The following PDZD4 variants were observed in gnomAD, a reference collection of about 807,000 sequenced individuals.
PDZD4 encodes the protein PDZ domain containing 4.
A neutral mutation model predicts 38.5 loss-of-function variants in PDZD4; 9 were observed. The ratio of observed to expected loss-of-function variants is 0.23; its 90% CI spans 0.14 to 0.41. The LOEUF is 0.41. Ranked by LOEUF, PDZD4 falls within the 10% of genes least tolerant of loss-of-function variation. The pLI, the probability that PDZD4 is intolerant of heterozygous loss-of-function variation, is 1.00. For synonymous variants in PDZD4, 349 were observed against 315.7 expected, an observed-to-expected ratio of 1.11 and a Z score of -1.12; for missense variants, 612 against 722.0, an observed-to-expected ratio of 0.85 and a Z score of 1.75.
chrX:153,805,398 CATCAACT>C, intron 6 of PDZD4, 100 bp downstream of exon 6: 4 of 553,439 alleles, frequency 7.2e-6, no homozygotes, highest in African/African-American at 2.3e-5. Context: ...ACCCGCCCTC[CATCAACT>C]CCAGGTCGTT....
chrX:153,827,614 G>T (rs1397125327), intron 1 of PDZD4, among the ~76,000 whole-genome samples: 1 of 112,580 alleles, frequency 8.9e-6, no homozygotes, highest in Non-Finnish European at 1.9e-5. Flanking sequence ...GACACAAAAG[G>T]TCAGTTTCTA....
rs782412910 is a variant in PDZD4 at position 153,808,554 on chromosome X, A to C, written c.102T>G (p.Thr34=). 2.7e-5 allele frequency: 32 copies of C among 1,195,666 alleles called. No homozygotes were observed. Among genetic ancestry groups the C allele is most frequent in the Non-Finnish European group, 3.5e-5 (31 of 887,711 alleles). ...CCTTGGAGGAGCGCAGGGCCTGCAG[A>C]GTTTGCTCCTGAGACAGCTTGGAGA... ...KELSKLSQEQ[T]LQALRSSKEP... Residue 34 remains threonine, a synonymous_variant, in exon 2 of 8, where the codon ACT becomes ACG. Coordinates refer to ENST00000393758, the MANE Select transcript of PDZD4 (RefSeq NM_001303512.2).
Position 153,808,448 on chromosome X carries a change from T to C in PDZD4, c.208A>G (p.Ser70Gly). 8.3e-7 allele frequency: 1 copy of C among 1,211,536 alleles called. No individual in the cohort carries two copies. Among genetic ancestry groups the C allele is most frequent in the Non-Finnish European group, 1.1e-6 (1 of 895,552 alleles). The stretch of plus-strand genomic sequence containing the variant: ...AAGGTGATGTCGGTCTGAGTGCCAC[T>C]GTCCACCAGCTGCAGGTCGTGACAG... ...SSCHDLQLVD[S>G]GTQTDITFEH... Residue 70 changes from serine to glycine, a missense_variant, in exon 2 of 8, where the codon AGT becomes GGT. Ser to Gly is a moderately conservative substitution (Grantham distance 56). Transcript: ENST00000393758.
At chrX:153,818,181 G>A (rs2064381678) in intron 1 of PDZD4, among the ~76,000 whole-genome samples, 1 of 111,812 alleles carries the variant, frequency 8.9e-6, no homozygotes, top group South Asian at 3.7e-4. Flanking sequence ...AGGAGGTGGA[G>A]GTTGCAGTGA....
chrX:153,810,960 A>AT (rs1196668301), intron 1 of PDZD4, among the ~76,000 whole-genome samples: 12 of 112,409 alleles, frequency 1.1e-4, no homozygotes, highest in Non-Finnish European at 2.1e-4. Flanking sequence ...AACACAGTTC[A>AT]TTTTTTTGTT....
rs2148454984 is a variant in PDZD4, at chrX:153,803,221, CG to C, written c.*131del. The C allele has an allele frequency of 2.4e-6, 1 of 421,891 alleles. No individual in the cohort carries two copies. The highest frequency in any genetic ancestry group is 3.6e-6 in the Non-Finnish European group (1 of 278,330). The allele number at this position is 421,891 out of a possible 1,213,427, so 34.8% of individuals were successfully genotyped here. A position where few individuals can be genotyped will look rare whatever the true frequency, so the allele number is the denominator to read the frequency against. On this transcript the variant is annotated 3_prime_UTR_variant, in exon 8 of 8. Coordinates refer to ENST00000393758, the MANE Select transcript of PDZD4 (RefSeq NM_001303512.2). Reference sequence around the variant, plus strand: ...ACAAAGCCCTGTGCGCACACCCAGACGAGGAGATGTGTGCGTGCGCACAGCG... The same window carrying C: ...ACAAAGCCCTGTGCGCACACCCAGACAGGAGATGTGTGCGTGCGCACAGCG...
At chrX:153,805,468 T>G in intron 6 of PDZD4, 37 bp downstream of exon 6, 3 of 1,085,548 alleles carry the variant, frequency 2.8e-6, no homozygotes, top group Non-Finnish European at 3.8e-6. Flanking sequence ...GAAAGCCTGA[T>G]GTCGTGGCCC....
intron 1 of PDZD4, among the ~76,000 whole-genome samples, chrX:153,818,043 C>T (rs942168156): frequency 8.9e-6 from 1 of 112,168 alleles, no homozygotes; most frequent in Non-Finnish European, 1.9e-5. Context: ...GTCAGGAGTT[C>T]GAGACCAGCT....
At position 153,804,528 on chromosome X, in the gene PDZD4, G is replaced by A. The variant is rs2092201680; in HGVS notation, c.1153C>T (p.Arg385Trp). 15 of 1,208,040 alleles carry A rather than the reference G, an allele frequency of 1.2e-5. No homozygotes were observed. Among genetic ancestry groups the A allele is most frequent in the African/African-American group, 1.7e-5 (1 of 57,379 alleles). The change falls in exon 8 of 8, where the codon CGG becomes TGG. Residue 385 changes from arginine (R) to tryptophan (W), a missense_variant. By Grantham distance (101) the Arg-to-Trp change is moderately radical. Coordinates refer to ENST00000393758, the MANE Select transcript of PDZD4 (RefSeq NM_001303512.2). The stretch of plus-strand genomic sequence containing the variant: ...AGGGCGCTGTTGCCTCCGGAGGCCC[G>A]GGGAAAGAGGAGGCCCAGCTGGTTG... ...NGNQLGLLFP[R>W]ASGGNSALDV...
At chrX:153,807,463 G>A (rs957379348) in intron 2 of PDZD4, 94 bp from the exon 3 acceptor site, 6 of 900,339 alleles carry the variant, frequency 6.7e-6, no homozygotes, top group South Asian at 4.7e-5. Context: ...TGCCTGGCAC[G>A]GAGGCCTGCT....
intron 1 of PDZD4, among the ~76,000 whole-genome samples, chrX:153,814,268 GTTC>G (rs1300233230): frequency 9.0e-6 from 1 of 111,600 alleles, no homozygotes; most frequent in African/African-American, 3.3e-5. Flanking sequence ...GAGGTCAGGA[GTTC>G]GAGACCAGCC....
chrX:153,806,063 G>A lies in PDZD4; in HGVS notation c.567+8C>T. The A allele has an allele frequency of 8.3e-7, 1 of 1,210,246 alleles. No homozygotes were observed. Among genetic ancestry groups the A allele is most frequent in the East Asian group, 3.0e-5 (1 of 33,787 alleles). Reference sequence around the variant, plus strand: ...CTTGGGCCAGGCCTGCAGCCTGCAAGTGCTCACCTGGATGATGCGGTCTCC... The same window carrying A: ...CTTGGGCCAGGCCTGCAGCCTGCAAATGCTCACCTGGATGATGCGGTCTCC... On this transcript the variant is annotated splice_region_variant and intron_variant, in intron 5 of 7. Coordinates refer to ENST00000393758, the MANE Select transcript of PDZD4 (RefSeq NM_001303512.2).
chrX:153,827,038 T>C (rs1363930463), intron 1 of PDZD4, among the ~76,000 whole-genome samples: 1 of 111,983 alleles, frequency 8.9e-6, no homozygotes, highest in South Asian at 3.7e-4. Flanking sequence ...GAAAAAGACG[T>C]ACAAAGTTGG....
At position 153,806,727 on chromosome X, in the gene PDZD4, T is replaced by C. The variant is rs1216956428; in HGVS notation, c.504+15A>G. 1.7e-6 allele frequency: 2 copies of C among 1,203,733 alleles called. No homozygotes were observed. Among genetic ancestry groups the C allele is most frequent in the African/African-American group, 3.5e-5 (2 of 56,973 alleles). ...GTGGATGGGCCTCGGGGCTGGGGCATACCCGTCTGCATACCTCTCCGACAT... is the reference window on the plus strand; with the variant it reads ...GTGGATGGGCCTCGGGGCTGGGGCACACCCGTCTGCATACCTCTCCGACAT... On this transcript the variant is annotated intron_variant, in intron 4 of 7. Transcript: ENST00000393758.
rs139848624 is a variant in PDZD4, at chrX:153,812,960, C to T, written c.61-4365G>A. Among the ~76,000 whole-genome samples, 553 of 109,918 alleles carry T rather than the reference C, an allele frequency of 5.0e-3. 7 individuals are homozygous for T. Among genetic ancestry groups the T allele is most frequent in the South Asian group, 0.025 (61 of 2,437 alleles). On this transcript the variant is annotated intron_variant, in intron 1 of 7. Coordinates refer to ENST00000393758, the MANE Select transcript of PDZD4 (RefSeq NM_001303512.2). ...GGCCAACCCCAGGCTTGCTTCCCAC[C>T]AGACTCTCCCTCCTGCCCCACCTGC...
chrX:153,820,832 T>C (rs1343829454), intron 1 of PDZD4, among the ~76,000 whole-genome samples: 10 of 111,296 alleles, frequency 9.0e-5, no homozygotes, highest in Admixed American at 2.9e-4. Flanking sequence ...TGCCCCACTG[T>C]TGGGGAGGCT....
chrX:153,806,203 C>T (rs1455946074), intron 4 of PDZD4, 70 bp from the exon 5 acceptor site: 14 of 1,096,925 alleles, frequency 1.3e-5, no homozygotes, highest in Non-Finnish European at 1.1e-5. Context: ...GCAGGCTCAC[C>T]TCAGGGGCCC....
intron 3 of PDZD4, 56 bp from the exon 4 acceptor site, chrX:153,806,896 T>C (rs781798686): frequency 4.2e-5 from 43 of 1,028,671 alleles, no homozygotes; most frequent in Non-Finnish European, 5.8e-5. Flanking sequence ...AATGCGTGAG[T>C]GAGGGAGCAG....
In PDZD4 at chrX:153,807,332, A is replaced by T. The variant is rs781880985; in HGVS notation, c.352T>A (p.Phe118Ile). Reference protein sequence around the residue: ...ISHEYYDPAEFMEGGPQEADR... With the variant: ...ISHEYYDPAEIMEGGPQEADR... ...GCCTCCTGCGGGCCGCCCTCCATAA[A>T]CTCCGCCGGGTCATAATACTCATGG... The change falls in exon 3 of 8, where the codon TTT (phenylalanine) becomes ATT (isoleucine). Residue 118 changes from phenylalanine to isoleucine, a missense_variant. Physicochemically the swap from Phe to Ile is conservative, Grantham distance 21. Around this residue, in one of 3 missense-constraint regions of PDZD4, gnomAD observed 225 missense variants for 311.0 expected, o/e 0.72. Transcript: ENST00000393758. The T allele has an allele frequency of 8.3e-6, 10 of 1,207,047 alleles. No individual in the cohort carries two copies. In the African/African-American group the frequency reaches 1.8e-4, roughly 21 times the overall value.
Sources: allele counts gnomAD v4.1 joint callset (sites outside exome capture counted in the v4.1 genomes callset), GRCh38; gene constraint gnomAD v4.1.1; regional missense constraint gnomAD v4.1.1; transcripts MANE v1.5; gene names NCBI Gene and HGNC (gene_info 2026-07-23, HGNC 2026-07-21).